HIPK3: variants seen among roughly 807,000 people sequenced by gnomAD.
HIPK3 encodes the protein homeodomain interacting protein kinase 3.
Under a neutral mutation model 124.2 loss-of-function variants are expected in HIPK3, and 47 were observed. The observed-to-expected ratio is 0.38, with a 90% CI of 0.30 to 0.48. HIPK3 has a LOEUF of 0.48. Ranked by LOEUF, HIPK3 falls within the 20% of genes least tolerant of loss-of-function variation. The pLI, the probability that HIPK3 is intolerant of heterozygous loss-of-function variation, is 0.98. For synonymous variants in HIPK3, 482 were observed against 515.2 expected, an observed-to-expected ratio of 0.94 and a Z score of 0.87; for missense variants, 1,286 against 1,454.3, an observed-to-expected ratio of 0.88 and a Z score of 1.88.
intron 8 of HIPK3, among the ~76,000 whole-genome samples, chr11:33,345,064 C>A (rs1853452023): frequency 6.6e-6 from 1 of 151,908 alleles, no homozygotes; most frequent in Non-Finnish European, 1.5e-5. Context: ...TACTTTGGAG[C>A]TATCATGTTT....
chr11:33,262,876 G>T (rs1221573375), intron 1 of HIPK3, among the ~76,000 whole-genome samples: 1 of 151,720 alleles, frequency 6.6e-6, no homozygotes, highest in Non-Finnish European at 1.5e-5. Flanking sequence ...GGAGTATAGT[G>T]GTATGATCAT....
intron 8 of HIPK3, among the ~76,000 whole-genome samples, chr11:33,346,826 G>A (rs1853507462): frequency 6.6e-6 from 1 of 152,174 alleles, no homozygotes; most frequent in African/African-American, 2.4e-5. Context: ...TAGACAAGAA[G>A]TACCTCATTT....
Position 33,301,620 on chromosome 11 carries a change from A to T in HIPK3, c.1097+14109A>T, listed in dbSNP as rs557799408. Among the ~76,000 whole-genome samples the T allele has an allele frequency of 3.5e-3, 473 of 134,208 alleles. 4 individuals carry two copies. Among genetic ancestry groups the T allele is most frequent in the African/African-American group, 0.012 (417 of 36,044 alleles). The allele number at this position is 134,208 out of a possible 152,430, so 88.0% of individuals were successfully genotyped here. The stretch of plus-strand genomic sequence containing the variant: ...TAACATATTGGGACCCCATCTCTAT[A>T]AAAAAAAAAAAAAAAAACTTGGGCA... On this transcript the variant is annotated intron_variant, in intron 2 of 16. Transcript: ENST00000303296.
At chr11:33,300,287 G>A (rs1378017633) in intron 2 of HIPK3, among the ~76,000 whole-genome samples, 7 of 151,868 alleles carry the variant, frequency 4.6e-5, no homozygotes, top group African/African-American at 9.7e-5. Flanking sequence ...CGGAGGTTGC[G>A]GTGAGCTGAG....
rs1452068316 is a variant in HIPK3, at chr11:33,258,584, C to G, written c.-3+695C>G. On this transcript the variant is annotated intron_variant, in intron 1 of 16. Transcript: ENST00000303296. ...GGGCTGTTGCCGGCTTCTCTCGTTA[C>G]GGTGGCTGCCGCCCGCTTCCCTTCG... 4 of 985,308 alleles carry G rather than the reference C, an allele frequency of 4.1e-6. No individual in the cohort carries two copies. In the South Asian group the frequency reaches 1.4e-4, roughly 35 times the overall value. 61.0% of individuals were successfully genotyped at this position (985,308 alleles called of 1,614,324 possible).
intron 1 of HIPK3, among the ~76,000 whole-genome samples, chr11:33,278,884 T>A (rs537993278): frequency 6.6e-6 from 1 of 152,180 alleles, no homozygotes; most frequent in Non-Finnish European, 1.5e-5. Flanking sequence ...GTAAATTTTA[T>A]TTATTTTTAC....
chr11:33,273,073 A>T (rs902899625), intron 1 of HIPK3, among the ~76,000 whole-genome samples: 9 of 151,232 alleles, frequency 6.0e-5, no homozygotes, highest in African/African-American at 2.2e-4. Flanking sequence ...GGCTCAAATG[A>T]TCCTCCTGCC....
intron 2 of HIPK3, among the ~76,000 whole-genome samples, chr11:33,291,214 T>G (rs1851689529): frequency 6.6e-6 from 1 of 152,206 alleles, no homozygotes. Context: ...CTGGCCTAGT[T>G]TATGACTAGG....
chr11:33,291,365 A>C (rs759694488), intron 2 of HIPK3, among the ~76,000 whole-genome samples: 1 of 152,242 alleles, frequency 6.6e-6, no homozygotes, highest in Non-Finnish European at 1.5e-5. Flanking sequence ...AAAGCACAGT[A>C]GGAATGCACA....
intron 2 of HIPK3, among the ~76,000 whole-genome samples, chr11:33,316,070 ACAAT>A (rs200083868): frequency 0.011 from 1,677 of 152,356 alleles, 24 homozygotes; most frequent in African/African-American, 0.038. Context: ...AGTCATAAAA[ACAAT>A]CTGCATGAAG....
intron 5 of HIPK3, 73 bp from the exon 6 acceptor site, chr11:33,339,277 T>G (rs1210574095): frequency 4.3e-5 from 50 of 1,174,700 alleles, no homozygotes; most frequent in Non-Finnish European, 5.8e-5. Flanking sequence ...TTGTTTTATT[T>G]TTTAACGGTG....
chr11:33,286,282 A>T, intron 1 of HIPK3, 131 bp from the exon 2 acceptor site: 2 of 790,808 alleles, frequency 2.5e-6, no homozygotes, highest in Non-Finnish European at 3.7e-6. Context: ...GAAATTAATT[A>T]CTTTTTTACA....
At chr11:33,340,912 A>G (rs893519802) in intron 6 of HIPK3, 56 bp from the exon 7 acceptor site, 3 of 1,113,354 alleles carry the variant, frequency 2.7e-6, no homozygotes, top group Non-Finnish European at 3.7e-6. Context: ...ATGTACCTCA[A>G]TTTAAAACTA....
At chr11:33,322,120 C>T (rs1010947131) in intron 2 of HIPK3, among the ~76,000 whole-genome samples, 4 of 152,198 alleles carry the variant, frequency 2.6e-5, no homozygotes, top group Non-Finnish European at 5.9e-5. Flanking sequence ...CTGCCTCAGC[C>T]TCCCGAGTAG....
intron 2 of HIPK3, among the ~76,000 whole-genome samples, chr11:33,304,107 ATT>A (rs894836061): frequency 2.6e-5 from 4 of 152,130 alleles, no homozygotes; most frequent in African/African-American, 9.6e-5. Flanking sequence ...CGTCCAGCTA[ATT>A]TTTTGTATTT....
At chr11:33,276,111 C>G (rs535944152) in intron 1 of HIPK3, among the ~76,000 whole-genome samples, 54 of 152,272 alleles carry the variant, frequency 3.5e-4, no homozygotes, top group Non-Finnish European at 6.8e-4. Flanking sequence ...TATTTTTCAC[C>G]TAGATTATTC....
At chr11:33,345,880 A>T (rs1853477022) in intron 8 of HIPK3, among the ~76,000 whole-genome samples, 1 of 152,120 alleles carries the variant, frequency 6.6e-6, no homozygotes, top group Non-Finnish European at 1.5e-5. Flanking sequence ...ATTAACACTT[A>T]CATCTGTGAA....
intron 7 of HIPK3, among the ~76,000 whole-genome samples, chr11:33,341,330 T>C (rs1009775556): frequency 2.6e-5 from 4 of 152,184 alleles, no homozygotes; most frequent in African/African-American, 9.7e-5. Context: ...GCCATTCCTC[T>C]CTTCATTCTC....
rs144246356 is a variant in HIPK3 at position 33,338,327 on chromosome 11, A to G, written c.1342-430A>G. Among the ~76,000 whole-genome samples the G allele has an allele frequency of 7.1e-3, 1,080 of 152,226 alleles. 4 individuals are homozygous for G. The highest frequency in any genetic ancestry group is 0.011 in the Non-Finnish European group (755 of 67,994). On this transcript the variant is annotated intron_variant, in intron 4 of 16. Transcript: ENST00000303296. ...TGGTTCACTGCAACCTCCGCCTCCC[A>G]GGTTCAAGTGATTCTCCTGCCTCAG...
Sources: gnomAD v4.1 joint callset for allele counts (sites outside exome capture counted in the v4.1 genomes callset) on GRCh38, gnomAD v4.1.1 for gene constraint, MANE v1.5 for transcripts, NCBI Gene and HGNC (gene_info 2026-07-23, HGNC 2026-07-21) for gene names.